ZNF385D: variants seen among roughly 807,000 people sequenced by gnomAD.
ZNF385D encodes the protein zinc finger protein 659.
A neutral mutation model predicts 35.8 loss-of-function variants in ZNF385D; 15 were observed. The observed-to-expected ratio is 0.42, with a 90% confidence interval of 0.28 to 0.64. The LOEUF is 0.64. Among genes scored for constraint, ZNF385D ranks in the 30% least tolerant of loss-of-function variants. ZNF385D has a pLI of 0.23. For missense variants in ZNF385D, 474 were observed against 494.6 expected, an observed-to-expected ratio of 0.96 and a Z score of 0.39; for synonymous variants, 212 against 186.8, an observed-to-expected ratio of 1.13 and a Z score of -1.10.
intron 3 of ZNF385D, among the ~76,000 whole-genome samples, chr3:21,524,172 T>A (rs545984798): frequency 1.3e-5 from 2 of 152,268 alleles, no homozygotes; most frequent in Non-Finnish European, 2.9e-5. Flanking sequence ...AGTTTAATGA[T>A]CCTTAAAAAC....
chr3:21,719,116 G>C (rs996092911), intron 1 of ZNF385D, among the ~76,000 whole-genome samples: 3 of 152,170 alleles, frequency 2.0e-5, no homozygotes, highest in African/African-American at 7.2e-5. Flanking sequence ...ATAAAGCCCA[G>C]GCAAAGGTAT....
At chr3:21,971,273 A>G (rs1445946128) in intron 3 of ZNF385D, among the ~76,000 whole-genome samples, 1 of 152,070 alleles carries the variant, frequency 6.6e-6, no homozygotes, top group Non-Finnish European at 1.5e-5. Context: ...AACTTAAGAC[A>G]TAGCATAATA....
intron 2 of ZNF385D, among the ~76,000 whole-genome samples, chr3:22,192,016 C>T (rs1264547571): frequency 6.6e-6 from 1 of 151,896 alleles, no homozygotes; most frequent in Non-Finnish European, 1.5e-5. Flanking sequence ...TGATTTTTTT[C>T]GGCCCATCTA....
At position 22,200,769 on chromosome 3, in the gene ZNF385D, C is replaced by T. The variant is rs141568079; in HGVS notation, c.107-31734G>A. 1.4e-3 allele frequency among the ~76,000 whole-genome samples: 208 copies of T among 152,154 alleles called. 1 individual carries two copies. Among genetic ancestry groups the T allele is most frequent in the African/African-American group, 4.5e-3 (188 of 41,534 alleles). ...GACCGTCTATAGACCTACCCCCAGGCGCCTATTCTCTTTCCCAGGGATGTT... is the reference window on the plus strand; with the variant it reads ...GACCGTCTATAGACCTACCCCCAGGTGCCTATTCTCTTTCCCAGGGATGTT... On this transcript the variant is annotated intron_variant, in intron 2 of 5. Transcript: ENST00000494108.
chr3:21,428,448 T>C (rs1447510564), intron 5 of ZNF385D, among the ~76,000 whole-genome samples: 2 of 152,128 alleles, frequency 1.3e-5, no homozygotes, highest in African/African-American at 4.8e-5. Flanking sequence ...AGAAATTCAC[T>C]AAGAATTTCT....
At chr3:22,105,206 A>C (rs912216775) in intron 3 of ZNF385D, among the ~76,000 whole-genome samples, 1 of 152,082 alleles carries the variant, frequency 6.6e-6, no homozygotes, top group African/African-American at 2.4e-5. Context: ...GAACCATAAA[A>C]TAGTATCATT....
At chr3:22,144,483 A>C (rs755296725) in intron 3 of ZNF385D, among the ~76,000 whole-genome samples, 2 of 148,502 alleles carry the variant, frequency 1.3e-5, no homozygotes, top group Non-Finnish European at 3.0e-5. Context: ...CTAAGGCAGG[A>C]AATTGCTTGA....
At chr3:21,870,873 C>A (rs1697654394) in intron 3 of ZNF385D, among the ~76,000 whole-genome samples, 1 of 152,118 alleles carries the variant, frequency 6.6e-6, no homozygotes, top group African/African-American at 2.4e-5. Flanking sequence ...TTATCCATCA[C>A]TACCATTCTT....
intron 2 of ZNF385D, 132 bp downstream of exon 2, chr3:21,664,754 A>G (rs2066351611): frequency 8.7e-6 from 11 of 1,263,656 alleles, no homozygotes; most frequent in Non-Finnish European, 1.1e-5. Context: ...AACTAACTTC[A>G]TTATGGCTTC....
intron 2 of ZNF385D, among the ~76,000 whole-genome samples, chr3:22,246,247 ATAAC>A (rs1158426987): frequency 6.6e-6 from 1 of 152,170 alleles, no homozygotes; most frequent in African/African-American, 2.4e-5. Flanking sequence ...ATACCTTTCT[ATAAC>A]TAATAGCAAA....
intron 3 of ZNF385D, among the ~76,000 whole-genome samples, chr3:22,158,759 C>T (rs894473681): frequency 2.0e-5 from 3 of 151,832 alleles, no homozygotes; most frequent in Non-Finnish European, 4.4e-5. Flanking sequence ...AGAAGGAGTG[C>T]CAGGCCTGGT....
intron 3 of ZNF385D, among the ~76,000 whole-genome samples, chr3:21,990,995 A>G (rs1009378599): frequency 3.9e-5 from 6 of 152,242 alleles, no homozygotes; most frequent in South Asian, 4.1e-4. Context: ...TTAGAATGGT[A>G]TATCAAAGCT....
At chr3:21,644,406 C>T (rs763312637) in intron 2 of ZNF385D, among the ~76,000 whole-genome samples, 1 of 152,050 alleles carries the variant, frequency 6.6e-6, no homozygotes, top group Non-Finnish European at 1.5e-5. Context: ...TCACAGAATG[C>T]AGGTTCACAC....
chr3:22,330,461 T>G (rs367789283), intron 2 of ZNF385D, among the ~76,000 whole-genome samples: 1 of 152,192 alleles, frequency 6.6e-6, no homozygotes, highest in African/African-American at 2.4e-5. Flanking sequence ...TTATTTTTGT[T>G]GATGTCTTCA....
At chr3:22,255,004 T>C (rs1443718772) in intron 2 of ZNF385D, among the ~76,000 whole-genome samples, 1 of 151,852 alleles carries the variant, frequency 6.6e-6, no homozygotes, top group Non-Finnish European at 1.5e-5. Context: ...CACGATTTCA[T>C]CACATTATTC....
chr3:21,751,200 A>G lies in ZNF385D; in HGVS notation c.-284T>C, dbSNP rs1375184470. 7.4e-7 allele frequency: 1 copy of G among 1,356,396 alleles called. No homozygotes were observed. The highest frequency in any genetic ancestry group is 9.5e-7 in the Non-Finnish European group (1 of 1,050,956). 84.0% of individuals were successfully genotyped at this position (1,356,396 alleles called of 1,614,324 possible). ...TTGCGATGTCCTTGCCGCGCCTGTG[A>G]CATCAGGACTGAGAGTACTACAAGC... On this transcript the variant is annotated 5_prime_UTR_variant, in exon 1 of 8. Transcript: ENST00000281523.
rs187875626 is a variant in ZNF385D at position 22,362,967 on chromosome 3, A to G, written c.106+9483T>C. Among the ~76,000 whole-genome samples the G allele has an allele frequency of 3.9e-5, 6 of 152,134 alleles. No individual in the cohort carries two copies. In the South Asian group the frequency reaches 1.0e-3, roughly 26 times the overall value. ...AATAAAACAAAATCTCTACTGTCACAGAACTCACTGTCGAGATTACTGATG... is the reference window on the plus strand; with the variant it reads ...AATAAAACAAAATCTCTACTGTCACGGAACTCACTGTCGAGATTACTGATG... On this transcript the variant is annotated intron_variant, in intron 2 of 5. Coordinates refer to the ZNF385D transcript ENST00000494108.
chr3:22,367,560 G>T (rs1021830638), intron 2 of ZNF385D, among the ~76,000 whole-genome samples: 1 of 151,706 alleles, frequency 6.6e-6, no homozygotes, highest in African/African-American at 2.4e-5. Context: ...CTAACTTCTG[G>T]AAGTTGTACT....
intron 1 of ZNF385D, among the ~76,000 whole-genome samples, chr3:21,672,843 G>A (rs1385499718): frequency 6.6e-6 from 1 of 152,096 alleles, no homozygotes; most frequent in Non-Finnish European, 1.5e-5. Flanking sequence ...TCCACTAGAA[G>A]AAAAACGGGA....
Sources: allele counts gnomAD v4.1 joint callset (sites outside exome capture counted in the v4.1 genomes callset), GRCh38; gene constraint gnomAD v4.1.1; transcripts MANE v1.5; gene names NCBI Gene and HGNC (gene_info 2026-07-23, HGNC 2026-07-21).